SSBP2: variants seen among roughly 807,000 people sequenced by gnomAD.
The protein encoded by SSBP2 is single-stranded DNA-binding protein 2.
In SSBP2, 17 loss-of-function variants were observed where a neutral mutation model predicts 61.8. The observed-to-expected ratio is 0.28, with a 90% confidence interval of 0.19 to 0.41. The LOEUF (loss-of-function observed/expected upper bound fraction) is 0.41. SSBP2 is among the 10% of genes least tolerant of loss of function. SSBP2 has a pLI of 1.00. For missense variants in SSBP2, 310 were observed against 458.7 expected (o/e 0.68, Z 2.96); for synonymous variants, 139 against 141.3 (o/e 0.98, Z 0.12).
intron 1 of SSBP2, among the ~76,000 whole-genome samples, chr5:81,746,899 T>C (rs1757379201): frequency 6.6e-6 from 1 of 151,982 alleles, no homozygotes; most frequent in African/African-American, 2.4e-5. Context: ...TATTTGCAGG[T>C]GCCAGTTACT....
intron 3 of SSBP2, among the ~76,000 whole-genome samples, chr5:81,634,434 C>A (rs1050537382): frequency 3.9e-4 from 60 of 152,094 alleles, no homozygotes; most frequent in African/African-American, 1.4e-3. Context: ...CTAAGATGTA[C>A]GAAATCAAGC....
chr5:81,536,481 C>T (rs1770814331), intron 4 of SSBP2, among the ~76,000 whole-genome samples: 2 of 152,038 alleles, frequency 1.3e-5, no homozygotes, highest in African/African-American at 4.8e-5. Context: ...AACCTCCACC[C>T]ACCTGATAGG....
At chr5:81,572,063 A>G (rs2153448697) in intron 4 of SSBP2, among the ~76,000 whole-genome samples, 1 of 152,194 alleles carries the variant, frequency 6.6e-6, no homozygotes, top group East Asian at 1.9e-4. Flanking sequence ...AAAATCAACT[A>G]CAAGTCTCTA....
intron 16 of SSBP2, among the ~76,000 whole-genome samples, chr5:81,423,715 A>G (rs1761760565): frequency 6.6e-6 from 1 of 152,082 alleles, no homozygotes; most frequent in Non-Finnish European, 1.5e-5. Flanking sequence ...ACTGCACTCT[A>G]GCCTGGGTGA....
intron 1 of SSBP2, among the ~76,000 whole-genome samples, chr5:81,749,054 G>A (rs907114760): frequency 6.6e-6 from 1 of 151,838 alleles, no homozygotes; most frequent in Admixed American, 6.6e-5. Flanking sequence ...CAATCACTCT[G>A]ACTAATGTGA....
At position 81,413,667 on chromosome 5, in the gene SSBP2, TTTAA is replaced by T. The variant is rs1242959382; in HGVS notation, c.*6833_*6836del. On this transcript the variant is annotated 3_prime_UTR_variant, in exon 17 of 17. Transcript: ENST00000320672. ...ATTCATTCTAACATGTAGTTTGTGT[TTTAA>T]TTGTCTTAATGCAAGGAAAGTAAAA... is the stretch of plus-strand genomic sequence containing the variant. The T allele has an allele frequency of 3.4e-4, 52 of 152,300 alleles. No homozygotes were observed. The highest frequency in any genetic ancestry group is 1.3e-3 in the African/African-American group (52 of 41,582). The allele number at this position is 152,300 out of a possible 1,614,324, so 9.4% of individuals were successfully genotyped here.
chr5:81,496,077 G>A (rs774617053), intron 5 of SSBP2, among the ~76,000 whole-genome samples: 7 of 152,082 alleles, frequency 4.6e-5, no homozygotes, highest in Admixed American at 2.0e-4. Flanking sequence ...GTTCTAAAAC[G>A]CACAATTATA....
At chr5:81,737,805 A>C (rs1305746201) in intron 1 of SSBP2, among the ~76,000 whole-genome samples, 37 of 145,698 alleles carry the variant, frequency 2.5e-4, no homozygotes, top group Admixed American at 2.2e-3. Flanking sequence ...AAAAAAAAAC[A>C]AAAAACTCAG....
In SSBP2 at chr5:81,650,290, A is replaced by C. The variant is rs377595174; in HGVS notation, c.112T>G (p.Ser38Ala). 3.9e-5 allele frequency: 62 copies of C among 1,592,328 alleles called. No individual in the cohort carries two copies. Among genetic ancestry groups the C allele is most frequent in the Admixed American group, 1.9e-4 (11 of 56,914 alleles). The change falls in exon 2 of 17, where the codon TCA (serine) becomes GCA (alanine). Residue 38 changes from serine to alanine, a missense_variant. Physicochemically the swap from Ser to Ala is moderately conservative, Grantham distance 99 (BLOSUM62 1). Coordinates refer to ENST00000320672, the MANE Select transcript of SSBP2 (RefSeq NM_012446.5). Reference sequence around the variant, plus strand: ...ACCTCTGATAAAAATGTTTGAGCTGATTTCTGAGCTCCTACATGGAGCAGA... The same window carrying C: ...ACCTCTGATAAAAATGTTTGAGCTGCTTTCTGAGCTCCTACATGGAGCAGA...
rs1221164005 is a variant in SSBP2 at position 81,470,309 on chromosome 5, T to C, written c.571-3268A>G. ...AGAAAACTGGTTTCATATATGATAT[T>C]AGAAAAGATATTTTTCTTGATTAAA... is the stretch of plus-strand genomic sequence containing the variant. On this transcript the variant is annotated intron_variant, in intron 8 of 16. Coordinates refer to ENST00000320672, the MANE Select transcript of SSBP2 (RefSeq NM_012446.5). 6.8e-5 allele frequency among the ~76,000 whole-genome samples: 10 copies of C among 147,890 alleles called. No homozygotes were observed. The East Asian group carries it at 1.9e-3, about 29-fold the overall frequency.
At chr5:81,605,016 T>A (rs961417018) in intron 4 of SSBP2, among the ~76,000 whole-genome samples, 16 of 152,150 alleles carry the variant, frequency 1.1e-4, no homozygotes, top group African/African-American at 3.4e-4. Flanking sequence ...AAATTTACTT[T>A]TTGCTTATTT....
intron 1 of SSBP2, among the ~76,000 whole-genome samples, chr5:81,653,721 T>C (rs916112031): frequency 6.6e-6 from 1 of 152,350 alleles, no homozygotes; most frequent in East Asian, 1.9e-4. Flanking sequence ...TTTTTTCATG[T>C]TTGTTGGCTG....
chr5:81,523,172 A>G (rs995292187), intron 4 of SSBP2, among the ~76,000 whole-genome samples: 2 of 152,106 alleles, frequency 1.3e-5, no homozygotes, highest in African/African-American at 4.8e-5. Context: ...ACAAGGGAGA[A>G]GCAACCACTC....
At chr5:81,610,829 A>T (rs1486210612) in intron 4 of SSBP2, among the ~76,000 whole-genome samples, 1 of 152,156 alleles carries the variant, frequency 6.6e-6, no homozygotes, top group Non-Finnish European at 1.5e-5. Flanking sequence ...CCCCATCTCT[A>T]CTACAAATAC....
chr5:81,644,399 C>T (rs1329560312), intron 2 of SSBP2, among the ~76,000 whole-genome samples: 2 of 152,018 alleles, frequency 1.3e-5, no homozygotes, highest in Non-Finnish European at 2.9e-5. Flanking sequence ...CTCATGGTCT[C>T]TTAGGAAGAA....
At chr5:81,488,703 C>T (rs978069296) in intron 6 of SSBP2, among the ~76,000 whole-genome samples, 9 of 120,654 alleles carry the variant, frequency 7.5e-5, no homozygotes, top group African/African-American at 2.8e-4. Flanking sequence ...TCCCTCCCCC[C>T]TCCCCCCACC....
rs935774660 is a variant in SSBP2, at chr5:81,445,066, C to T, written c.778+1802G>A. On this transcript the variant is annotated intron_variant, in intron 12 of 16. Coordinates refer to ENST00000320672, the MANE Select transcript of SSBP2 (RefSeq NM_012446.5). ...TGAATCCAGGAGGCTGAGCTTGCAG[C>T]GAGCTGAGATTGTGCCACTGCACTC... Among the ~76,000 whole-genome samples the T allele has an allele frequency of 7.6e-5, 11 of 143,854 alleles. 1 individual carries two copies. In the South Asian group the frequency reaches 8.9e-4, roughly 12 times the overall value. The allele number at this position is 143,854 out of a possible 152,430, so 94.4% of individuals were successfully genotyped here. A position where few individuals can be genotyped will look rare whatever the true frequency, so the allele number is the denominator to read the frequency against.
intron 1 of SSBP2, among the ~76,000 whole-genome samples, chr5:81,672,089 A>G (rs541611060): frequency 1.3e-5 from 2 of 152,280 alleles, no homozygotes; most frequent in African/African-American, 2.4e-5. Context: ...CCATTATATT[A>G]TTTTTACTAC....
At chr5:81,637,952 A>G (rs900801762) in intron 2 of SSBP2, among the ~76,000 whole-genome samples, 3 of 152,212 alleles carry the variant, frequency 2.0e-5, no homozygotes, top group Non-Finnish European at 2.9e-5. Flanking sequence ...CGTCCTTTGT[A>G]GGGACATGGA....
Sources: allele counts gnomAD v4.1 joint callset (sites outside exome capture counted in the v4.1 genomes callset), GRCh38; gene constraint gnomAD v4.1.1; transcripts MANE v1.5; gene names NCBI Gene and HGNC (gene_info 2026-07-23, HGNC 2026-07-21).